The following DST variants were observed in gnomAD, a reference collection of about 807,000 sequenced individuals.
DST encodes the protein bullous pemphigoid antigen.
Under a neutral mutation model 875.2 loss-of-function variants are expected in DST, and 253 were observed. The observed-to-expected ratio is 0.29, with a 90% confidence interval of 0.26 to 0.32. The LOEUF (loss-of-function observed/expected upper bound fraction) is 0.32, where lower values mean the gene tolerates loss of function less well. DST is among the 10% of genes least tolerant of loss of function. The probability of loss-of-function intolerance (pLI) is 1.00; values close to 1 mark genes in which losing one functional copy is unlikely to be tolerated. For synonymous variants in DST, 3,124 were observed against 3,197.1 expected (o/e 0.98, Z 0.77); for missense variants, 8,287 against 9,111.6 (o/e 0.91, Z 3.68).
At chr6:56,637,924 C>A (rs942534185) in intron 22 of DST, among the ~76,000 whole-genome samples, 5 of 151,990 alleles carry the variant, frequency 3.3e-5, no homozygotes, top group African/African-American at 1.2e-4. Flanking sequence ...TCATATTCTA[C>A]CTCAAATTAA....
intron 48 of DST, 94 bp from the exon 49 acceptor site, chr6:56,592,452 A>G (rs1228773064): frequency 1.1e-5 from 11 of 1,032,226 alleles, no homozygotes; most frequent in East Asian, 2.7e-5. Flanking sequence ...TGTAACTTGG[A>G]AAAAAAACCA....
In DST at chr6:56,947,269, T is replaced by C. The variant is rs973880307; in HGVS notation, c.216+6516A>G. Among the ~76,000 whole-genome samples the C allele has an allele frequency of 1.9e-4, 25 of 132,040 alleles. No homozygotes were observed. The South Asian group carries it at 6.0e-3, about 32-fold the overall frequency. The allele number at this position is 132,040 out of a possible 152,430, so 86.6% of individuals were successfully genotyped here. A position where few individuals can be genotyped will look rare whatever the true frequency, so the allele number is the denominator to read the frequency against. ...CTCTCTCTTTTTTTTTTTTTTTTTC[T>C]GAGACAGAATCTTGCTCTTTCACCA... On this transcript the variant is annotated intron_variant, in intron 2 of 103. Transcript: ENST00000680361.
In DST at chr6:56,472,111, A is replaced by G; in HGVS notation, c.22106T>C (p.Leu7369Pro). The change falls in exon 94 of 104, where the codon CTG becomes CCG. Residue 7369 changes from leucine (L) to proline (P), a missense_variant. Leu to Pro is a moderately conservative substitution (Grantham distance 98). Around this residue, in one of 10 missense-constraint regions of DST, gnomAD observed 1,292 missense variants for 1,552.7 expected, o/e 0.83. Coordinates refer to ENST00000680361, the MANE Select transcript of DST (RefSeq NM_001374736.1). The stretch of plus-strand genomic sequence containing the variant: ...GAGTTTCCTCCTTCTTTCCAACGCC[A>G]GGAGCCAGACTTGCTGCCATTTGCT... ...LVSKWQQVWL[L>P]ALERRRKLND... is the part of the protein sequence containing the mutation. 1 of 1,613,948 alleles carries G rather than the reference A, an allele frequency of 6.2e-7. No homozygotes were observed. The highest frequency in any genetic ancestry group is 8.5e-7 in the Non-Finnish European group (1 of 1,179,838).
At position 56,870,817 on chromosome 6, in the gene DST, T is replaced by C. The variant is rs377251798; in HGVS notation, c.418-19213A>G. 2.0e-4 allele frequency among the ~76,000 whole-genome samples: 31 copies of C among 151,966 alleles called. No individual in the cohort carries two copies. In the East Asian group the frequency reaches 5.2e-3, roughly 26 times the overall value. On this transcript the variant is annotated intron_variant, in intron 3 of 103. Transcript: ENST00000680361. ...TATAGAAACAACAGACACAAATCCATAGGCAAAAACTTCAGGTATGTTAAT... is the reference window on the plus strand; with the variant it reads ...TATAGAAACAACAGACACAAATCCACAGGCAAAAACTTCAGGTATGTTAAT...
chr6:56,730,789 A>G (rs1213145198), intron 5 of DST, among the ~76,000 whole-genome samples: 1 of 152,220 alleles, frequency 6.6e-6, no homozygotes, highest in African/African-American at 2.4e-5. Flanking sequence ...TTTATTCTTA[A>G]AAGTATTCTG....
rs1357794468 is a variant in DST at position 56,560,309 on chromosome 6, T to A, written c.14425A>T (p.Met4809Leu). 1 of 1,609,842 alleles carries A rather than the reference T, an allele frequency of 6.2e-7. No homozygotes were observed. Among genetic ancestry groups the A allele is most frequent in the South Asian group, 1.1e-5 (1 of 90,090 alleles). Residue 4809 changes from methionine (M) to leucine (L), a missense_variant, in exon 58 of 104, where the codon ATG (methionine) becomes TTG (leucine). Met to Leu is a conservative substitution (Grantham distance 15, BLOSUM62 2). Around this residue, in one of 10 missense-constraint regions of DST, gnomAD observed 1,513 missense variants for 1,677.8 expected, o/e 0.90. Coordinates refer to ENST00000680361, the MANE Select transcript of DST (RefSeq NM_001374736.1). Reference sequence around the variant, plus strand: ...CGCAACATACCTATTTCTGTCAACATCTGTTTCCATCTGGGGGCCTCAGGA... The same window carrying A: ...CGCAACATACCTATTTCTGTCAACAACTGTTTCCATCTGGGGGCCTCAGGA... ...DTPEAPRWKQMLTEIDSKWQE... is the reference protein window; with the variant it reads ...DTPEAPRWKQLLTEIDSKWQE...
chr6:56,748,192 C>T (rs923316170), intron 4 of DST, among the ~76,000 whole-genome samples: 11 of 152,042 alleles, frequency 7.2e-5, no homozygotes, highest in African/African-American at 2.7e-4. Context: ...AATATATATT[C>T]CTATATATGG....
At position 56,466,059 on chromosome 6, in the gene DST, A is replaced by C; in HGVS notation, c.22687+19T>G. Reference sequence around the variant, plus strand: ...ATTGAAATACTTTCATGATGTTATCATGATAAGCATCTCCTTACCCCTGCA... The same window carrying C: ...ATTGAAATACTTTCATGATGTTATCCTGATAAGCATCTCCTTACCCCTGCA... On this transcript the variant is annotated intron_variant, in intron 99 of 103. Coordinates refer to ENST00000680361, the MANE Select transcript of DST (RefSeq NM_001374736.1). The C allele has an allele frequency of 6.4e-7, 1 of 1,558,390 alleles. No individual in the cohort carries two copies.
At chr6:56,669,298 A>C (rs1346112557) in intron 10 of DST, among the ~76,000 whole-genome samples, 1 of 151,662 alleles carries the variant, frequency 6.6e-6, no homozygotes, top group African/African-American at 2.4e-5. Flanking sequence ...AAAAAAAAAA[A>C]AAAAAAAACT....
chr6:56,692,786 A>G (rs2152861531), intron 9 of DST: 1 of 1,289,858 alleles, frequency 7.8e-7, no homozygotes, highest in Non-Finnish European at 1.0e-6. Context: ...GTGTTCACAC[A>G]GTCAGACCAA....
In DST at chr6:56,497,491, C is replaced by T. The variant is rs2095957537; in HGVS notation, c.20111G>A (p.Gly6704Asp). The change falls in exon 82 of 104, where the codon GGC (glycine) becomes GAC (aspartate). Residue 6704 changes from glycine to aspartate, a missense_variant. Coordinates refer to ENST00000680361, the MANE Select transcript of DST (RefSeq NM_001374736.1). The stretch of plus-strand genomic sequence containing the variant: ...CCACTGCTGCAAATCCTCAATTTCG[C>T]CATGGAACCCTTTGGCCTGAAGTAA... ...GALRQAKGFH[G>D]EIEDLQQWLT... is the part of the protein sequence containing the mutation. 1.2e-6 allele frequency: 2 copies of T among 1,612,762 alleles called. No homozygotes were observed. The highest frequency in any genetic ancestry group is 1.7e-5 in the Admixed American group (1 of 59,856).
At chr6:56,798,489 C>A (rs2099742959) in intron 4 of DST, among the ~76,000 whole-genome samples, 1 of 151,682 alleles carries the variant, frequency 6.6e-6, no homozygotes, top group East Asian at 1.9e-4. Context: ...TGAGATTGCT[C>A]AGAAAAAAAA....
rs61514901 is a variant in DST at position 56,622,569 on chromosome 6, CAAAAAAAAAA to C, written c.4929+1951_4929+1960del. On this transcript the variant is annotated intron_variant, in intron 36 of 103. Transcript: ENST00000680361. ...CAGCCTGGGCAACAGAGATCCGTCT[CAAAAAAAAAA>C]AAAAAAAAAAAAAAAAATCATGTTG... Among the ~76,000 whole-genome samples the C allele has an allele frequency of 1.2e-4, 8 of 65,734 alleles. No homozygotes were observed. In the East Asian group the frequency reaches 2.6e-3, roughly 22 times the overall value. 43.1% of individuals were successfully genotyped at this position (65,734 alleles called of 152,430 possible).
chr6:56,702,087 T>C (rs1039666918), intron 7 of DST, 122 bp from the exon 8 acceptor site: 1 of 540,540 alleles, frequency 1.9e-6, no homozygotes, highest in Admixed American at 3.7e-5. Context: ...GGTAAGGCCA[T>C]AAGATTTTCT....
chr6:56,526,307 C>T (rs2096796134), intron 69 of DST, 54 bp downstream of exon 69: 8 of 1,569,048 alleles, frequency 5.1e-6, no homozygotes, highest in Non-Finnish European at 7.0e-6. Context: ...GGTAAAAGCT[C>T]CAAGAACAGC....
In DST at chr6:56,497,851, C is replaced by G. The variant is rs1404985320; in HGVS notation, c.20094+5G>C. The G allele has an allele frequency of 6.3e-7, 1 of 1,596,468 alleles. No individual in the cohort carries two copies. The highest frequency in any genetic ancestry group is 8.5e-7 in the Non-Finnish European group (1 of 1,171,624). On this transcript the variant is annotated splice_donor_5th_base_variant and intron_variant, in intron 81 of 103. Coordinates refer to ENST00000680361, the MANE Select transcript of DST (RefSeq NM_001374736.1). ...AAAACTTTCAGAATTTATTCTCTTA[C>G]TCACCTGGCGCAAGGCACCATCCAG...
chr6:56,902,295 T>A (rs1385524104), intron 2 of DST, among the ~76,000 whole-genome samples: 1 of 152,318 alleles, frequency 6.6e-6, no homozygotes, highest in Non-Finnish European at 1.5e-5. Context: ...TTTTTGAAGA[T>A]GTATAAAAGG....
In DST at chr6:56,504,034, T is replaced by A; in HGVS notation, c.19529A>T (p.Asp6510Val). The A allele has an allele frequency of 6.2e-7, 1 of 1,609,552 alleles. No individual in the cohort carries two copies. The stretch of plus-strand genomic sequence containing the variant: ...AATCTGCTGCTTGACAGTTTCGAGA[T>A]CTGTTCCAATTGGAGACATTGAAGC... ...KLASMSPIGT[D>V]LETVKQQIEE... The change falls in exon 78 of 104, where the codon GAT becomes GTT. Residue 6510 changes from aspartate (D) to valine (V), a missense_variant. Coordinates refer to ENST00000680361, the MANE Select transcript of DST (RefSeq NM_001374736.1).
Position 56,512,915 on chromosome 6 carries a change from C to T in DST, c.18577-1515G>A, listed in dbSNP as rs146510238. On this transcript the variant is annotated intron_variant, in intron 72 of 103. Coordinates refer to ENST00000680361, the MANE Select transcript of DST (RefSeq NM_001374736.1). ...CCATGTTTGCAATCTAGCTCCTGGGCGTCCCAGGCCAAGTTTTTATTTTTA... is the reference window on the plus strand; with the variant it reads ...CCATGTTTGCAATCTAGCTCCTGGGTGTCCCAGGCCAAGTTTTTATTTTTA... Among the ~76,000 whole-genome samples the T allele has an allele frequency of 9.6e-3, 1,460 of 152,272 alleles. 10 individuals carry two copies. The highest frequency in any genetic ancestry group is 0.017 in the Non-Finnish European group (1,159 of 68,028).
Sources: allele counts gnomAD v4.1 joint callset (sites outside exome capture counted in the v4.1 genomes callset), GRCh38; gene constraint gnomAD v4.1.1; regional missense constraint gnomAD v4.1.1; transcripts MANE v1.5; gene names NCBI Gene and HGNC (gene_info 2026-07-23, HGNC 2026-07-21).